HEATR1: variants seen among roughly 807,000 people sequenced by gnomAD.
The protein encoded by HEATR1 is HEAT repeat containing 1, also known as HEAT repeat-containing protein 1.
A neutral mutation model predicts 248.2 loss-of-function variants in HEATR1; 77 were observed. That is an observed-to-expected ratio of 0.31 (90% CI 0.26 to 0.37). The LOEUF (loss-of-function observed/expected upper bound fraction) is 0.37. Ranked by LOEUF, HEATR1 falls within the 10% of genes least tolerant of loss-of-function variation. The probability of loss-of-function intolerance (pLI) is 1.00; values close to 1 mark genes in which losing one functional copy is unlikely to be tolerated. For synonymous variants in HEATR1, 897 were observed against 923.1 expected, an observed-to-expected ratio of 0.97 and a Z score of 0.51; for missense variants, 2,420 against 2,504.9, an observed-to-expected ratio of 0.97 and a Z score of 0.72.
intron 23 of HEATR1, 127 bp downstream of exon 23, chr1:236,574,534 T>C: frequency 7.8e-7 from 1 of 1,279,160 alleles, no homozygotes; most frequent in Non-Finnish European, 1.1e-6. Flanking sequence ...TTAAAACGTC[T>C]AGTCCACCTG....
In HEATR1 at chr1:236,550,020, A is replaced by C. The variant is rs971959380; in HGVS notation, c.*882T>G. 6.6e-6 allele frequency: 1 copy of C among 152,188 alleles called. No homozygotes were observed. The highest frequency in any genetic ancestry group is 1.5e-5 in the Non-Finnish European group (1 of 68,044). The allele number at this position is 152,188 out of a possible 1,614,324, so 9.4% of individuals were successfully genotyped here. A position where few individuals can be genotyped will look rare whatever the true frequency, so the allele number is the denominator to read the frequency against. ...CGAACATTCTACGGGATGTTCTTAG[A>C]TGCCTTTAAAAAGGGGGCAGATCTA... On this transcript the variant is annotated 3_prime_UTR_variant, in exon 45 of 45. Transcript: ENST00000366582.
chr1:236,568,925 T>G (rs962168542), intron 29 of HEATR1, 71 bp downstream of exon 29: 60 of 1,140,388 alleles, frequency 5.3e-5, no homozygotes, highest in Non-Finnish European at 6.9e-5. Context: ...AAAAAAGGCT[T>G]TTAATGTCAT....
Position 236,591,267 on chromosome 1 carries a change from CCT to C in HEATR1, c.1423-315_1423-314del, listed in dbSNP as rs146440127. Among the ~76,000 whole-genome samples, 864 of 152,060 alleles carry C rather than the reference CCT, an allele frequency of 5.7e-3. 4 individuals carry two copies. Among genetic ancestry groups the C allele is most frequent in the African/African-American group, 0.02 (826 of 41,462 alleles). ...TCTGATAAATCACCTAAGATAAATC[CCT>C]GTTTTAGCACCTTCCAGAAGACAGA... On this transcript the variant is annotated intron_variant, in intron 11 of 44. Coordinates refer to ENST00000366582, the MANE Select transcript of HEATR1 (RefSeq NM_018072.6).
intron 43 of HEATR1, 35 bp downstream of exon 43, chr1:236,553,546 G>T: frequency 6.2e-7 from 1 of 1,600,798 alleles, no homozygotes; most frequent in African/African-American, 1.3e-5. Context: ...GCAGTGAAAA[G>T]ATGCAGTTTC....
intron 32 of HEATR1, 81 bp from the exon 33 acceptor site, chr1:236,561,352 G>A: frequency 9.3e-7 from 1 of 1,075,424 alleles, no homozygotes; most frequent in Non-Finnish European, 1.4e-6. Flanking sequence ...ATGAAACTCG[G>A]ACCATTCACT....
intron 29 of HEATR1, among the ~76,000 whole-genome samples, chr1:236,567,784 C>T (rs1663314009): frequency 6.6e-6 from 1 of 152,192 alleles, no homozygotes; most frequent in Admixed American, 6.5e-5. Context: ...ATATGTGACA[C>T]TGATAGCAAG....
intron 12 of HEATR1, among the ~76,000 whole-genome samples, chr1:236,590,277 G>C (rs916770825): frequency 6.6e-6 from 1 of 152,078 alleles, no homozygotes; most frequent in African/African-American, 2.4e-5. Context: ...ACCCAGGCTG[G>C]AGAGCAGTGG....
At chr1:236,593,982 A>C (rs1441372160) in intron 9 of HEATR1, 30 bp downstream of exon 9, 2 of 1,419,724 alleles carry the variant, frequency 1.4e-6, no homozygotes, top group Admixed American at 4.2e-5. Flanking sequence ...AAAAATGTAA[A>C]TCAAAAGCAT....
chr1:236,554,080 TTAAAAAA>T (rs750681533), intron 42 of HEATR1, among the ~76,000 whole-genome samples: 16 of 152,190 alleles, frequency 1.1e-4, no homozygotes, highest in African/African-American at 2.4e-4. Context: ...TTTGAGCAGT[TTAAAAAA>T]TAAAAAATAA....
rs369632116 is a variant in HEATR1, at chr1:236,566,738, G to C, written c.4216C>G (p.Leu1406Val). 5 of 1,614,008 alleles carry C rather than the reference G, an allele frequency of 3.1e-6. No individual in the cohort carries two copies. The African/African-American group carries it at 4.0e-5, about 13-fold the overall frequency. ...ATCCAGAGGAATTTCTCTGCACCCA[G>C]TGTATCAACAAGTTGAACAAGGATG... ...LPILVQLVDT[L>V]GAEKFLWILL... is the part of the protein sequence containing the mutation. Residue 1406 changes from leucine (L) to valine (V), a missense_variant, in exon 30 of 45, where the codon CTG (leucine) becomes GTG (valine). Leu to Val is a conservative substitution (Grantham distance 32). Coordinates refer to ENST00000366582, the MANE Select transcript of HEATR1 (RefSeq NM_018072.6).
At chr1:236,554,387 G>A (rs553877357) in intron 42 of HEATR1, among the ~76,000 whole-genome samples, 2 of 152,244 alleles carry the variant, frequency 1.3e-5, no homozygotes, top group African/African-American at 2.4e-5. Flanking sequence ...GCAAGACCCT[G>A]TCTCAAAACA....
intron 3 of HEATR1, among the ~76,000 whole-genome samples, chr1:236,601,307 C>T (rs1274377505): frequency 6.6e-6 from 1 of 150,600 alleles, no homozygotes; most frequent in Non-Finnish European, 1.5e-5. Flanking sequence ...AGTGCAGTGG[C>T]GTGATCTCAG....
intron 31 of HEATR1, 33 bp downstream of exon 31, chr1:236,565,886 T>A (rs754287200): frequency 1.3e-6 from 2 of 1,588,824 alleles, no homozygotes; most frequent in South Asian, 2.3e-5. Flanking sequence ...AGCTTTCAGA[T>A]TGAACAGTAA....
intron 16 of HEATR1, among the ~76,000 whole-genome samples, 165 bp from the exon 17 acceptor site, chr1:236,585,381 T>A (rs1663858690): frequency 6.6e-6 from 1 of 152,238 alleles, no homozygotes; most frequent in South Asian, 2.1e-4. Context: ...ATTATAAGAA[T>A]AATTTCAGAA....
chr1:236,574,644 T>C lies in HEATR1; in HGVS notation c.3327+17A>G. 1 of 1,605,900 alleles carries C rather than the reference T, an allele frequency of 6.2e-7. No homozygotes were observed. The highest frequency in any genetic ancestry group is 8.5e-7 in the Non-Finnish European group (1 of 1,176,210). ...CTTGAACATGCTATGCCTTAGTTTCTGAAAGAAATCACTGACCTTTTCAAG... is the reference window on the plus strand; with the variant it reads ...CTTGAACATGCTATGCCTTAGTTTCCGAAAGAAATCACTGACCTTTTCAAG... On this transcript the variant is annotated intron_variant, in intron 23 of 44. Transcript: ENST00000366582.
rs374645333 is a variant in HEATR1, at chr1:236,576,914, C to T, written c.2791G>A (p.Val931Ile). The T allele has an allele frequency of 2.7e-5, 44 of 1,610,778 alleles. No homozygotes were observed. The highest frequency in any genetic ancestry group is 1.2e-4 in the South Asian group (11 of 90,228). ...TSLLINLGSP[V>I]KEVRRAAIQC... Reference sequence around the variant, plus strand: ...ATGGCAGCCCTACGAACTTCTTTTACGGGGCTTCCCAGGTTAATGAGTAAA... The same window carrying T: ...ATGGCAGCCCTACGAACTTCTTTTATGGGGCTTCCCAGGTTAATGAGTAAA... Residue 931 changes from valine to isoleucine, a missense_variant, in exon 21 of 45, where the codon GTA (valine) becomes ATA (isoleucine). Val to Ile is a conservative substitution (Grantham distance 29). Transcript: ENST00000366582.
intron 16 of HEATR1, 94 bp downstream of exon 16, chr1:236,585,726 T>A (rs10925167): frequency 0.64 from 797,564 of 1,244,480 alleles, 260,755 homozygotes; most frequent in Non-Finnish European, 0.67. Flanking sequence ...ATAAAAGAAA[T>A]TTTTTTTAAG....
rs994861000 is a variant in HEATR1, at chr1:236,581,321, T to C, written c.2656A>G (p.Lys886Glu). The change falls in exon 20 of 45, where the codon AAA becomes GAA. Residue 886 changes from lysine to glutamate, a missense_variant. Coordinates refer to ENST00000366582, the MANE Select transcript of HEATR1 (RefSeq NM_018072.6). ...AGAGCTTGAGTCTGCAGCACTGTTTTCACACTGCAGTTTAGTGGATTTGAA... is the reference window on the plus strand; with the variant it reads ...AGAGCTTGAGTCTGCAGCACTGTTTCCACACTGCAGTTTAGTGGATTTGAA... The part of the protein sequence containing the change: ...SLSNPLNCSV[K>E]TVLQTQALYV... The C allele has an allele frequency of 1.2e-6, 2 of 1,612,966 alleles. No homozygotes were observed. Among genetic ancestry groups the C allele is most frequent in the Non-Finnish European group, 1.7e-6 (2 of 1,179,470 alleles).
chr1:236,603,881 GGA>G (rs556848167), intron 2 of HEATR1, 71 bp downstream of exon 2: 14,627 of 1,246,798 alleles, frequency 0.012, 8 homozygotes, highest in Admixed American at 0.016. Flanking sequence ...GAAAACAAGG[GGA>G]AAAAAAAAAA....
Sources: allele counts gnomAD v4.1 joint callset (sites outside exome capture counted in the v4.1 genomes callset), GRCh38; gene constraint gnomAD v4.1.1; transcripts MANE v1.5; gene names NCBI Gene and HGNC (gene_info 2026-07-23, HGNC 2026-07-21).